Variants in NUSAP1 observed in about 807,000 individuals in gnomAD.
NUSAP1 encodes the protein nucleolar and spindle associated protein 1, also known as nucleolar and spindle-associated protein 1.
In NUSAP1, 32 loss-of-function variants were observed where a neutral mutation model predicts 52.8. The ratio of observed to expected loss-of-function variants is 0.61; its 90% CI spans 0.46 to 0.81. The LOEUF is 0.81. Ranked by LOEUF, NUSAP1 falls within the 40% of genes least tolerant of loss-of-function variation. The pLI, the probability that NUSAP1 is intolerant of heterozygous loss-of-function variation, is 0.00. For synonymous variants in NUSAP1, 195 were observed against 183.1 expected (o/e 1.06, Z -0.52); for missense variants, 499 against 522.3 (o/e 0.96, Z 0.43).
intron 3 of NUSAP1, 87 bp from the exon 4 acceptor site, chr15:41,350,901 T>C: frequency 6.8e-6 from 8 of 1,168,988 alleles, no homozygotes; most frequent in South Asian, 1.6e-5. Context: ...CTTTAACCCC[T>C]TTTCCCCCTC....
At chr15:41,355,445 A>G (rs1208410999) in intron 4 of NUSAP1, among the ~76,000 whole-genome samples, 1 of 151,992 alleles carries the variant, frequency 6.6e-6, no homozygotes, top group East Asian at 1.9e-4. Context: ...TGCTGGGATT[A>G]CAGGTGGGAG....
In NUSAP1 at chr15:41,371,605, C is replaced by T. The variant is rs759891862; in HGVS notation, c.927C>T (p.Thr309=). Residue 309 remains threonine (T), a synonymous_variant, in exon 8 of 11, where the codon ACC becomes ACT. Coordinates refer to ENST00000559596, the MANE Select transcript of NUSAP1 (RefSeq NM_016359.5). ...KTPARKSAHV[T]VSGGTPKGEA... The stretch of plus-strand genomic sequence containing the variant: ...CAGCCAGAAAGTCTGCACATGTGAC[C>T]GTGTCTGGGGGCACCCCAAAAGGCG... The T allele has an allele frequency of 3.1e-6, 5 of 1,611,718 alleles. No individual in the cohort carries two copies. The highest frequency in any genetic ancestry group is 1.3e-5 in the African/African-American group (1 of 74,646).
intron 8 of NUSAP1, among the ~76,000 whole-genome samples, chr15:41,372,163 A>G (rs2049725523): frequency 6.6e-6 from 1 of 152,200 alleles, no homozygotes; most frequent in Non-Finnish European, 1.5e-5. Context: ...GGGAAATGCC[A>G]GAGACATAAG....
chr15:41,375,602 T>C (rs1041209876), intron 8 of NUSAP1, 110 bp from the exon 9 acceptor site: 6 of 732,518 alleles, frequency 8.2e-6, no homozygotes, highest in East Asian at 5.5e-5. Flanking sequence ...TGGGCCACCA[T>C]GCCCAGCCTA....
chr15:41,372,687 A>G (rs2049749810), intron 8 of NUSAP1, among the ~76,000 whole-genome samples: 1 of 152,134 alleles, frequency 6.6e-6, no homozygotes, highest in East Asian at 1.9e-4. Flanking sequence ...GCTTGAACAC[A>G]GGGTTTTGTG....
Position 41,380,243 on chromosome 15 carries a change from A to ATTTT in NUSAP1, c.*66_*69dup. Reference sequence around the variant, plus strand: ...ATTCTCAACTTTTTTCCTTTTGTAAATTTTTTTTTTTTGCTGTCATCCCCA... The same window carrying ATTTT: ...ATTCTCAACTTTTTTCCTTTTGTAAATTTTTTTTTTTTTTTTGCTGTCATCCCCA... On this transcript the variant is annotated 3_prime_UTR_variant, in exon 11 of 11. Coordinates refer to ENST00000559596, the MANE Select transcript of NUSAP1 (RefSeq NM_016359.5). 5 of 1,056,390 alleles carry ATTTT rather than the reference A, an allele frequency of 4.7e-6. No individual in the cohort carries two copies. The highest frequency in any genetic ancestry group is 6.7e-6 in the Non-Finnish European group (5 of 743,216). 65.4% of individuals were successfully genotyped at this position (1,056,390 alleles called of 1,614,324 possible).
At chr15:41,366,100 T>C (rs181370350) in intron 7 of NUSAP1, among the ~76,000 whole-genome samples, 14 of 152,166 alleles carry the variant, frequency 9.2e-5, no homozygotes, top group African/African-American at 3.4e-4. Context: ...ATAGTTATCA[T>C]TGCTTTATAT....
intron 4 of NUSAP1, 67 bp downstream of exon 4, chr15:41,351,196 C>T (rs1163076026): frequency 4.7e-6 from 7 of 1,499,940 alleles, no homozygotes; most frequent in Non-Finnish European, 4.5e-6. Flanking sequence ...TAGCCAGGTA[C>T]ATTAATTTCC....
At chr15:41,335,826 A>G (rs2048106097) in intron 1 of NUSAP1, among the ~76,000 whole-genome samples, 1 of 147,236 alleles carries the variant, frequency 6.8e-6, no homozygotes, top group African/African-American at 2.5e-5. Flanking sequence ...AATATACTAT[A>G]TTATACCAGT....
At chr15:41,362,987 ATATATACT>A (rs2049239220) in intron 6 of NUSAP1, among the ~76,000 whole-genome samples, 1 of 151,922 alleles carries the variant, frequency 6.6e-6, no homozygotes, top group Admixed American at 6.6e-5. Flanking sequence ...ATGTATAGAC[ATATATACT>A]TATATATATG....
chr15:41,345,363 T>C (rs2048525307), intron 2 of NUSAP1: 2 of 354,406 alleles, frequency 5.6e-6, no homozygotes, highest in African/African-American at 2.3e-5. Context: ...TCTATTCTCA[T>C]GTAAAAACCC....
At chr15:41,355,664 T>C (rs1384954314) in intron 4 of NUSAP1, among the ~76,000 whole-genome samples, 1 of 151,556 alleles carries the variant, frequency 6.6e-6, no homozygotes, top group African/African-American at 2.4e-5. Flanking sequence ...ACGTTTTTTT[T>C]TTTGTTTTTG....
chr15:41,367,391 T>C (rs2049462327), intron 7 of NUSAP1, among the ~76,000 whole-genome samples: 2 of 152,126 alleles, frequency 1.3e-5, no homozygotes, highest in African/African-American at 4.8e-5. Flanking sequence ...CTGCCTAGGC[T>C]CCAAGCAACT....
At chr15:41,349,793 T>A (rs1457588852) in intron 3 of NUSAP1, among the ~76,000 whole-genome samples, 1 of 142,266 alleles carries the variant, frequency 7.0e-6, no homozygotes, top group Non-Finnish European at 1.5e-5. Flanking sequence ...TGAGACAGAG[T>A]TTCACTCTTG....
In NUSAP1 at chr15:41,365,556, G is replaced by T; in HGVS notation, c.815G>T (p.Arg272Leu). 1 of 1,610,854 alleles carries T rather than the reference G, an allele frequency of 6.2e-7. No homozygotes were observed. The highest frequency in any genetic ancestry group is 8.5e-7 in the Non-Finnish European group (1 of 1,178,210). Reference sequence around the variant, plus strand: ...TTGGGTCTGAAGGGGTCACTCAAGCGCTCTGCTATCTCTGCAGCTAAAACG... The same window carrying T: ...TTGGGTCTGAAGGGGTCACTCAAGCTCTCTGCTATCTCTGCAGCTAAAACG... ...STLGLKGSLKRSAISAAKTGV... is the reference protein window; with the variant it reads ...STLGLKGSLKLSAISAAKTGV... The change falls in exon 7 of 11, where the codon CGC becomes CTC. Residue 272 changes from arginine to leucine, a missense_variant. By Grantham distance (102) the Arg-to-Leu change is moderately radical. Transcript: ENST00000559596.
chr15:41,351,071 T>G lies in NUSAP1; in HGVS notation c.390T>G (p.Thr130=). The G allele has an allele frequency of 6.2e-7, 1 of 1,613,824 alleles. No individual in the cohort carries two copies. The highest frequency in any genetic ancestry group is 1.1e-5 in the South Asian group (1 of 91,048). The change falls in exon 4 of 11, where the codon ACT becomes ACG. Residue 130 remains threonine (T), a synonymous_variant. Coordinates refer to ENST00000559596, the MANE Select transcript of NUSAP1 (RefSeq NM_016359.5). ...EKQESQDLRA[T]AKVPSPPDEH... is the part of the protein sequence containing the mutation. ...AGGAAAGCCAGGATCTCAGAGCTAC[T>G]GCAAAAGTTCCTTCTCCACCAGACG...
At chr15:41,334,465 A>G (rs1192955623) in intron 1 of NUSAP1, among the ~76,000 whole-genome samples, 4 of 152,138 alleles carry the variant, frequency 2.6e-5, no homozygotes, top group Admixed American at 1.3e-4. Context: ...TTGGGGCTGA[A>G]TGACCAAAGG....
intron 6 of NUSAP1, among the ~76,000 whole-genome samples, chr15:41,360,221 C>G (rs1332139492): frequency 6.6e-6 from 1 of 152,076 alleles, no homozygotes; most frequent in Admixed American, 6.6e-5. Flanking sequence ...TCATTGCAAC[C>G]TCCACCTCCT....
At chr15:41,356,560 G>T (rs2048981114) in intron 5 of NUSAP1, among the ~76,000 whole-genome samples, 1 of 151,792 alleles carries the variant, frequency 6.6e-6, no homozygotes, top group African/African-American at 2.4e-5. Flanking sequence ...TCACCATGTT[G>T]GCCAGCATGG....
Sources: gnomAD v4.1 joint callset for allele counts (sites outside exome capture counted in the v4.1 genomes callset) on GRCh38, gnomAD v4.1.1 for gene constraint, MANE v1.5 for transcripts, NCBI Gene and HGNC (gene_info 2026-07-23, HGNC 2026-07-21) for gene names.